Variants in LDLRAD4 observed in about 807,000 individuals in gnomAD.
The protein encoded by LDLRAD4 is low density lipoprotein receptor class A domain containing 4.
LDLRAD4 carries 5 observed loss-of-function variants against 17.0 expected under a neutral mutation model. The ratio of observed to expected loss-of-function variants is 0.29; its 90% confidence interval spans 0.15 to 0.62. The LOEUF is 0.62. Among genes scored for constraint, LDLRAD4 ranks in the 20% least tolerant of loss-of-function variants. The probability of loss-of-function intolerance (pLI) is 0.84; values close to 1 mark genes in which losing one functional copy is unlikely to be tolerated. For synonymous variants in LDLRAD4, 168 were observed against 171.8 expected, an observed-to-expected ratio of 0.98 and a Z score of 0.17; for missense variants, 340 against 424.7, an observed-to-expected ratio of 0.80 and a Z score of 1.75.
At chr18:13,495,225 T>A (rs2093442963) in intron 3 of LDLRAD4, among the ~76,000 whole-genome samples, 2 of 152,218 alleles carry the variant, frequency 1.3e-5, no homozygotes, top group Non-Finnish European at 2.9e-5. Context: ...GGAATCATTT[T>A]GTCTCATGGC....
At chr18:13,542,236 A>C (rs975131160) in intron 3 of LDLRAD4, 94 of 152,256 alleles carry the variant, frequency 6.2e-4, no homozygotes, top group African/African-American at 2.2e-3. Flanking sequence ...TTTTATGGAG[A>C]GGCTGTTTAA....
chr18:13,250,896 C>T (rs1202694644), intron 1 of LDLRAD4, among the ~76,000 whole-genome samples: 1 of 152,134 alleles, frequency 6.6e-6, no homozygotes, highest in Non-Finnish European at 1.5e-5. Flanking sequence ...CAGCATAACC[C>T]TGACACAAAA....
chr18:13,589,355 C>A (rs2094978270), intron 3 of LDLRAD4, among the ~76,000 whole-genome samples: 2 of 152,234 alleles, frequency 1.3e-5, no homozygotes, highest in African/African-American at 2.4e-5. Context: ...GGTCTGTGTA[C>A]ATGGGGCCCC....
At chr18:13,404,378 T>G (rs1045595052) in intron 2 of LDLRAD4, among the ~76,000 whole-genome samples, 9 of 152,230 alleles carry the variant, frequency 5.9e-5, no homozygotes, top group Non-Finnish European at 8.8e-5. Context: ...GGCCGCAGCC[T>G]GGCTGTGCCT....
chr18:13,254,645 C>T (rs1399042663), intron 1 of LDLRAD4, among the ~76,000 whole-genome samples: 1 of 152,198 alleles, frequency 6.6e-6, no homozygotes, highest in Non-Finnish European at 1.5e-5. Flanking sequence ...CAAAAATGTC[C>T]ACCTGTGTTC....
chr18:13,506,981 A>C (rs965155185), intron 3 of LDLRAD4, among the ~76,000 whole-genome samples: 3 of 152,140 alleles, frequency 2.0e-5, no homozygotes, highest in South Asian at 4.2e-4. Context: ...CGTGTTTTTT[A>C]CAAGTTGAAA....
chr18:13,285,611 G>A lies in LDLRAD4; in HGVS notation c.-383+7423G>A, dbSNP rs141867229. 6.5e-3 allele frequency among the ~76,000 whole-genome samples: 988 copies of A among 152,350 alleles called. 7 individuals are homozygous for A. Among genetic ancestry groups the A allele is most frequent in the African/African-American group, 0.023 (953 of 41,580 alleles). On this transcript the variant is annotated intron_variant, in intron 1 of 5. Transcript: ENST00000359446. Reference sequence around the variant, plus strand: ...TCAGTGCTTGGGAGAGGGTTCCGCTGTGCACAAGGGGTCTGGGGTCTGTCT... The same window carrying A: ...TCAGTGCTTGGGAGAGGGTTCCGCTATGCACAAGGGGTCTGGGGTCTGTCT...
intron 1 of LDLRAD4, among the ~76,000 whole-genome samples, chr18:13,329,000 CAGAG>C (rs2081691935): frequency 6.6e-6 from 1 of 152,180 alleles, no homozygotes; most frequent in Non-Finnish European, 1.5e-5. Flanking sequence ...TATCAGTTCA[CAGAG>C]AGCAGCCTCA....
chr18:13,310,670 AG>A (rs2047185978), intron 1 of LDLRAD4, among the ~76,000 whole-genome samples: 1 of 151,902 alleles, frequency 6.6e-6, no homozygotes, highest in Non-Finnish European at 1.5e-5. Context: ...CAGGAACCTG[AG>A]GGTTCTGAGT....
At chr18:13,376,669 T>C (rs374956908) in intron 1 of LDLRAD4, among the ~76,000 whole-genome samples, 24 of 152,310 alleles carry the variant, frequency 1.6e-4, no homozygotes, top group African/African-American at 5.8e-4. Context: ...CGTCCGGTGC[T>C]GTGGAAGACT....
At chr18:13,376,774 A>G (rs2084945509) in intron 1 of LDLRAD4, among the ~76,000 whole-genome samples, 1 of 152,150 alleles carries the variant, frequency 6.6e-6, no homozygotes, top group African/African-American at 2.4e-5. Context: ...GATACATGGT[A>G]CCTGTCTGTG....
chr18:13,401,500 T>C (rs58282854), intron 2 of LDLRAD4, among the ~76,000 whole-genome samples: 20,699 of 152,026 alleles, frequency 0.14, 1,529 homozygotes, highest in East Asian at 0.25. Context: ...GATGTGTTGG[T>C]GTGAGCGTGA....
intron 3 of LDLRAD4, among the ~76,000 whole-genome samples, chr18:13,504,828 C>T (rs1158846053): frequency 1.3e-5 from 2 of 152,176 alleles, no homozygotes. Context: ...GCCGCCATTC[C>T]CACAGACATG....
chr18:13,229,833 C>T (rs750548769), intron 1 of LDLRAD4, among the ~76,000 whole-genome samples: 11 of 152,182 alleles, frequency 7.2e-5, no homozygotes, highest in Non-Finnish European at 1.5e-4. Context: ...GGTGTGCCCA[C>T]GGTTGCCACA....
intron 2 of LDLRAD4, among the ~76,000 whole-genome samples, chr18:13,417,043 C>A (rs1198727700): frequency 6.6e-6 from 1 of 152,166 alleles, no homozygotes; most frequent in Admixed American, 6.5e-5. Flanking sequence ...GAGCCAGCTT[C>A]GAAATCCAGG....
At chr18:13,423,282 T>C (rs1234017207) in intron 2 of LDLRAD4, among the ~76,000 whole-genome samples, 2 of 151,928 alleles carry the variant, frequency 1.3e-5, no homozygotes, top group Non-Finnish European at 2.9e-5. Context: ...CACCTGAGTT[T>C]GGGAGTTTGA....
chr18:13,457,717 C>T (rs766324210), intron 3 of LDLRAD4, among the ~76,000 whole-genome samples: 5 of 152,078 alleles, frequency 3.3e-5, no homozygotes, highest in Admixed American at 2.0e-4. Context: ...CACTTCTCCC[C>T]GTGGTTCACA....
At chr18:13,317,586 G>T (rs1341155422) in intron 1 of LDLRAD4, among the ~76,000 whole-genome samples, 1 of 152,224 alleles carries the variant, frequency 6.6e-6, no homozygotes, top group Non-Finnish European at 1.5e-5. Context: ...TTCCGTGGGT[G>T]CCACTGGGAA....
chr18:13,558,657 G>A (rs905015303), intron 3 of LDLRAD4, among the ~76,000 whole-genome samples: 16 of 152,340 alleles, frequency 1.1e-4, no homozygotes, highest in African/African-American at 2.9e-4. Flanking sequence ...AGGACTTCAT[G>A]TGTTTCTGGG....
Sources: gnomAD v4.1 joint callset for allele counts (sites outside exome capture counted in the v4.1 genomes callset) on GRCh38, gnomAD v4.1.1 for gene constraint, MANE v1.5 for transcripts, NCBI Gene and HGNC (gene_info 2026-07-23, HGNC 2026-07-21) for gene names.